Variants in NAALADL2 observed in about 807,000 individuals in gnomAD.
NAALADL2 encodes the protein inactive N-acetylated-alpha-linked acidic dipeptidase-like protein 2.
A neutral mutation model predicts 87.2 loss-of-function variants in NAALADL2; 76 were observed. The observed-to-expected ratio is 0.87, with a 90% CI of 0.72 to 1.05. NAALADL2 has a LOEUF of 1.05. Among genes scored for constraint, NAALADL2 ranks in the 50% least tolerant of loss-of-function variants. The probability of loss-of-function intolerance (pLI) is 0.00; values close to 1 mark genes in which losing one functional copy is unlikely to be tolerated. For synonymous variants in NAALADL2, 354 were observed against 331.0 expected (o/e 1.07, Z -0.75); for missense variants, 1,089 against 945.8 (o/e 1.15, Z -1.99).
intron 1 of NAALADL2, among the ~76,000 whole-genome samples, chr3:174,974,601 T>C (rs73881576): frequency 0.015 from 2,279 of 152,310 alleles, 39 homozygotes; most frequent in African/African-American, 0.051. Context: ...CCATTCTGGC[T>C]CCTAGAATGT....
At chr3:175,020,760 G>A (rs1329198248) in intron 1 of NAALADL2, among the ~76,000 whole-genome samples, 1 of 151,900 alleles carries the variant, frequency 6.6e-6, no homozygotes, top group East Asian at 1.9e-4. Context: ...CAGTACCTTT[G>A]GGGTGAATAG....
At chr3:175,246,833 T>A (rs558147527) in intron 3 of NAALADL2, among the ~76,000 whole-genome samples, 47 of 152,060 alleles carry the variant, frequency 3.1e-4, no homozygotes, top group Non-Finnish European at 6.5e-4. Context: ...TCTTTACTAT[T>A]GATGATATTA....
chr3:175,395,513 G>A lies in NAALADL2; in HGVS notation c.1091-51716G>A, dbSNP rs151173834. 1.4e-3 allele frequency among the ~76,000 whole-genome samples: 206 copies of A among 152,234 alleles called. 1 individual carries two copies. The highest frequency in any genetic ancestry group is 4.7e-3 in the African/African-American group (195 of 41,546). On this transcript the variant is annotated intron_variant, in intron 5 of 13. Coordinates refer to ENST00000454872, the MANE Select transcript of NAALADL2 (RefSeq NM_207015.3). ...TTGAAATAGACTAATGGATTGGCAA[G>A]GTGATGTGCTAAGTATGCATTCCTT...
intron 1 of NAALADL2, among the ~76,000 whole-genome samples, chr3:174,993,714 A>T (rs1206306801): frequency 6.6e-6 from 1 of 152,198 alleles, no homozygotes; most frequent in Non-Finnish European, 1.5e-5. Flanking sequence ...TATGTATAGT[A>T]GCTTCCCAGG....
chr3:174,840,135 CTG>C (rs909291543), intron 3 of NAALADL2, among the ~76,000 whole-genome samples: 1 of 151,096 alleles, frequency 6.6e-6, no homozygotes, highest in Non-Finnish European at 1.5e-5. Flanking sequence ...GATAAAGAAA[CTG>C]TGATATATAT....
intron 3 of NAALADL2, among the ~76,000 whole-genome samples, chr3:174,768,855 T>C (rs1218856141): frequency 1.3e-5 from 2 of 152,076 alleles, no homozygotes; most frequent in Non-Finnish European, 2.9e-5. Context: ...ATCTCTATTT[T>C]GATTTTTAAT....
chr3:174,720,561 G>C (rs1731619009), intron 2 of NAALADL2, among the ~76,000 whole-genome samples: 1 of 151,974 alleles, frequency 6.6e-6, no homozygotes, highest in Non-Finnish European at 1.5e-5. Flanking sequence ...TAAAGACTGA[G>C]ACAAAATAGA....
intron 1 of NAALADL2, among the ~76,000 whole-genome samples, chr3:174,868,289 G>A (rs1407254151): frequency 1.3e-5 from 2 of 152,200 alleles, no homozygotes; most frequent in African/African-American, 2.4e-5. Context: ...GATATGGAGG[G>A]TATGTCTGCT....
At chr3:175,452,449 G>T (rs1268644707) in intron 6 of NAALADL2, among the ~76,000 whole-genome samples, 2 of 152,140 alleles carry the variant, frequency 1.3e-5, no homozygotes, top group African/African-American at 4.8e-5. Context: ...ACTTGTTTTT[G>T]AGCAGAGTGG....
rs143493155 is a variant in NAALADL2, at chr3:174,622,807, G to C, written c.-115+72170G>C. Among the ~76,000 whole-genome samples the C allele has an allele frequency of 4.3e-3, 654 of 152,250 alleles. 4 individuals are homozygous for C. The highest frequency in any genetic ancestry group is 0.015 in the African/African-American group (622 of 41,560). On this transcript the variant is annotated intron_variant, in intron 2 of 3. Coordinates refer to the NAALADL2 transcript ENST00000434257. The stretch of plus-strand genomic sequence containing the variant: ...TGTAATCCCAGCACTTTGGGAGGCC[G>C]AGGCGGGCGAATCACGAGGTCGGGA...
intron 11 of NAALADL2, among the ~76,000 whole-genome samples, chr3:175,684,543 C>T (rs1378121059): frequency 6.6e-6 from 1 of 152,066 alleles, no homozygotes; most frequent in Non-Finnish European, 1.5e-5. Flanking sequence ...ACCTGTAATT[C>T]CAGCATTTTG....
chr3:175,232,420 T>G (rs939778759), intron 2 of NAALADL2, among the ~76,000 whole-genome samples: 1 of 152,180 alleles, frequency 6.6e-6, no homozygotes, highest in Non-Finnish European at 1.5e-5. Flanking sequence ...TTTACCACTA[T>G]TGTGTCTGCT....
chr3:175,307,448 G>A (rs1394309431), intron 4 of NAALADL2, among the ~76,000 whole-genome samples: 1 of 152,044 alleles, frequency 6.6e-6, no homozygotes, highest in Non-Finnish European at 1.5e-5. Flanking sequence ...TAAAAATAAA[G>A]GTGTCTGGAA....
rs74550395 is a variant in NAALADL2, at chr3:174,689,684, C to T, written c.-114-47957C>T. Reference sequence around the variant, plus strand: ...GGGAAATGGTGAGAGGAGAGTTGCTCCATCTTATCTTGATGCCCTCTAGAA... The same window carrying T: ...GGGAAATGGTGAGAGGAGAGTTGCTTCATCTTATCTTGATGCCCTCTAGAA... On this transcript the variant is annotated intron_variant, in intron 2 of 3. Coordinates refer to the NAALADL2 transcript ENST00000434257. Among the ~76,000 whole-genome samples, 1,342 of 152,080 alleles carry T rather than the reference C, an allele frequency of 8.8e-3. 12 individuals are homozygous for T. The highest frequency in any genetic ancestry group is 0.031 in the African/African-American group (1,270 of 41,500).
chr3:175,462,916 A>G (rs986497532), intron 6 of NAALADL2, among the ~76,000 whole-genome samples: 2 of 152,220 alleles, frequency 1.3e-5, no homozygotes, highest in African/African-American at 4.8e-5. Context: ...TTTATGTTGT[A>G]TAATGCTTTA....
At chr3:175,223,645 C>A (rs1016577043) in intron 2 of NAALADL2, among the ~76,000 whole-genome samples, 1 of 152,032 alleles carries the variant, frequency 6.6e-6, no homozygotes, top group Non-Finnish European at 1.5e-5. Context: ...TGGATATATA[C>A]CCACAAGAAA....
chr3:175,782,497 A>G (rs577062015), intron 13 of NAALADL2, among the ~76,000 whole-genome samples: 1,317 of 128,376 alleles, frequency 0.01, 5 homozygotes, highest in Non-Finnish European at 0.015. Context: ...GGCTGCATAA[A>G]TGTCTTCTTT....
intron 2 of NAALADL2, among the ~76,000 whole-genome samples, chr3:174,553,071 T>C (rs1011802360): frequency 7.2e-5 from 11 of 152,168 alleles, no homozygotes; most frequent in African/African-American, 2.7e-4. Flanking sequence ...GGGTTTTATA[T>C]ATCAGGTTTT....
At chr3:175,283,339 T>A (rs777831891) in intron 4 of NAALADL2, among the ~76,000 whole-genome samples, 3 of 152,060 alleles carry the variant, frequency 2.0e-5, no homozygotes, top group Non-Finnish European at 2.9e-5. Flanking sequence ...CAGGATACCA[T>A]TGTATTTGCT....
Sources: gnomAD v4.1 joint callset for allele counts (sites outside exome capture counted in the v4.1 genomes callset) on GRCh38, gnomAD v4.1.1 for gene constraint, MANE v1.5 for transcripts, NCBI Gene and HGNC (gene_info 2026-07-23, HGNC 2026-07-21) for gene names.